Variants in DCK observed in about 807,000 individuals in gnomAD.
DCK encodes the protein deoxycytidine kinase.
A neutral mutation model predicts 38.3 loss-of-function variants in DCK; 23 were observed. That is an observed-to-expected ratio of 0.60 (90% confidence interval 0.43 to 0.85). The LOEUF (loss-of-function observed/expected upper bound fraction) is 0.85, where lower values mean the gene tolerates loss of function less well. Ranked by LOEUF, DCK falls within the 40% of genes least tolerant of loss-of-function variation. The pLI is 0.00. For missense variants in DCK, 259 were observed against 304.4 expected (o/e 0.85, Z 1.11); for synonymous variants, 108 against 100.6 (o/e 1.07, Z -0.44).
intron 2 of DCK, among the ~76,000 whole-genome samples, chr4:71,003,693 T>G (rs764063369): frequency 6.6e-6 from 1 of 152,214 alleles, no homozygotes; most frequent in Non-Finnish European, 1.5e-5. Context: ...CACGCTTTAT[T>G]TTTATTAAGT....
At chr4:71,003,244 G>A (rs1739855725) in intron 2 of DCK, among the ~76,000 whole-genome samples, 1 of 152,108 alleles carries the variant, frequency 6.6e-6, no homozygotes, top group South Asian at 2.1e-4. Context: ...ATGAAATTCT[G>A]GGTTGAAAAT....
chr4:71,028,088 AT>A (rs1298630553), intron 6 of DCK, among the ~76,000 whole-genome samples: 3 of 152,200 alleles, frequency 2.0e-5, no homozygotes, highest in Admixed American at 6.5e-5. Flanking sequence ...GACTCCTTAC[AT>A]GATTTTCTGC....
At chr4:71,004,526 A>G (rs1739891137) in intron 2 of DCK, among the ~76,000 whole-genome samples, 1 of 152,214 alleles carries the variant, frequency 6.6e-6, no homozygotes, top group African/African-American at 2.4e-5. Flanking sequence ...GCCAGCAGGC[A>G]GGATTGTTTA....
chr4:71,003,423 C>T lies in DCK; in HGVS notation c.207+5241C>T, dbSNP rs984332081. ...CTCATTTTAACCTTGGTGAATCTGACGATTATGTGTCTTGGCGTTGCTCTT... is the reference window on the plus strand; with the variant it reads ...CTCATTTTAACCTTGGTGAATCTGATGATTATGTGTCTTGGCGTTGCTCTT... On this transcript the variant is annotated intron_variant, in intron 2 of 6. Transcript: ENST00000286648. Among the ~76,000 whole-genome samples, 6 of 152,080 alleles carry T rather than the reference C, an allele frequency of 3.9e-5. No homozygotes were observed. The South Asian group carries it at 6.2e-4, about 16-fold the overall frequency.
chr4:71,023,772 T>C, intron 4 of DCK, 66 bp downstream of exon 4: 1 of 1,477,406 alleles, frequency 6.8e-7, no homozygotes, highest in Non-Finnish European at 9.1e-7. Flanking sequence ...TTTTCAGTGG[T>C]ATATAATGAG....
chr4:71,020,080 G>A (rs979310392), intron 2 of DCK, among the ~76,000 whole-genome samples: 4 of 152,178 alleles, frequency 2.6e-5, no homozygotes, highest in Admixed American at 1.3e-4. Context: ...GAACCACTGG[G>A]CCTGCCCTTG....
intron 2 of DCK, among the ~76,000 whole-genome samples, chr4:70,999,055 A>T (rs917267311): frequency 6.6e-6 from 1 of 152,162 alleles, no homozygotes; most frequent in Non-Finnish European, 1.5e-5. Flanking sequence ...GTTCTGGGAT[A>T]CATGTGCAGA....
At chr4:71,027,965 A>AT (rs1443110405) in intron 6 of DCK, among the ~76,000 whole-genome samples, 1 of 152,194 alleles carries the variant, frequency 6.6e-6, no homozygotes, top group Admixed American at 6.5e-5. Context: ...TGACTTTCTT[A>AT]TTAAGGTATT....
intron 2 of DCK, among the ~76,000 whole-genome samples, chr4:70,998,879 C>A (rs185356985): frequency 4.4e-4 from 66 of 150,894 alleles, no homozygotes; most frequent in African/African-American, 1.6e-3. Context: ...GCTGAGATGG[C>A]GCCACTGTGC....
intron 3 of DCK, 152 bp downstream of exon 3, chr4:71,022,712 C>G (rs372877214): frequency 4.4e-6 from 2 of 450,602 alleles, no homozygotes; most frequent in African/African-American, 4.1e-5. Flanking sequence ...CCTCAGCAGT[C>G]TGGTACTAAT....
chr4:71,015,607 TG>T (rs1351810287), intron 2 of DCK, among the ~76,000 whole-genome samples: 1 of 152,226 alleles, frequency 6.6e-6, no homozygotes, highest in East Asian at 1.9e-4. Flanking sequence ...GCTTCATCCC[TG>T]GGATGCAAGG....
At chr4:71,025,351 A>T (rs899591219) in intron 4 of DCK, among the ~76,000 whole-genome samples, 2 of 152,118 alleles carry the variant, frequency 1.3e-5, no homozygotes, top group Non-Finnish European at 2.9e-5. Context: ...GGCATAAAAC[A>T]TTCCAAAGTT....
intron 2 of DCK, among the ~76,000 whole-genome samples, chr4:71,003,197 A>T (rs1739854700): frequency 6.6e-6 from 1 of 152,036 alleles, no homozygotes; most frequent in African/African-American, 2.4e-5. Context: ...AAAGGATTTT[A>T]TTTCTCCTTC....
chr4:71,015,666 G>A (rs1740242909), intron 2 of DCK, among the ~76,000 whole-genome samples: 1 of 152,108 alleles, frequency 6.6e-6, no homozygotes, highest in Admixed American at 6.5e-5. Context: ...CATATAAACA[G>A]AACCAAAGAC....
chr4:71,000,713 G>T (rs948269049), intron 2 of DCK, among the ~76,000 whole-genome samples: 2 of 152,160 alleles, frequency 1.3e-5, no homozygotes, highest in Non-Finnish European at 2.9e-5. Flanking sequence ...GTGGTTTGTA[G>T]TTCTCCTTGA....
At chr4:71,004,398 C>A (rs899951737) in intron 2 of DCK, among the ~76,000 whole-genome samples, 1 of 152,212 alleles carries the variant, frequency 6.6e-6, no homozygotes, top group Non-Finnish European at 1.5e-5. Flanking sequence ...TCTGCCGACC[C>A]CTGCTGGGAG....
In DCK at chr4:71,007,300, A is replaced by G. The variant is rs141895810; in HGVS notation, c.207+9118A>G. On this transcript the variant is annotated intron_variant, in intron 2 of 6. Coordinates refer to ENST00000286648, the MANE Select transcript of DCK (RefSeq NM_000788.3). ...GATTCTTTTTAAAAACATTTTTGAC[A>G]TGATATATCTGTAGAAAAGTAGGTA... Among the ~76,000 whole-genome samples the G allele has an allele frequency of 9.5e-4, 145 of 152,348 alleles. 5 individuals carry two copies. The East Asian group carries it at 0.019, about 20-fold the overall frequency.
In DCK at chr4:70,993,740, C is replaced by A; in HGVS notation, c.-96C>A. ...ACTAGCTGACCCGGCAGGTCAGGAT[C>A]TGGCTTAGCGGCGCCGCGAGCTCCA... On this transcript the variant is annotated 5_prime_UTR_variant, in exon 1 of 7. The change creates a new upstream start codon in the 5' untranslated region. Coordinates refer to ENST00000286648, the MANE Select transcript of DCK (RefSeq NM_000788.3). The A allele has an allele frequency of 2.4e-6, 2 of 818,656 alleles. No homozygotes were observed. Among genetic ancestry groups the A allele is most frequent in the Non-Finnish European group, 3.9e-6 (2 of 508,818 alleles). 50.7% of individuals were successfully genotyped at this position (818,656 alleles called of 1,614,324 possible).
chr4:71,018,771 A>G (rs1740338088), intron 2 of DCK, among the ~76,000 whole-genome samples: 1 of 151,110 alleles, frequency 6.6e-6, no homozygotes, highest in Non-Finnish European at 1.5e-5. Context: ...TCCCAGGCAT[A>G]AGCAATTCTC....
Sources: allele counts gnomAD v4.1 joint callset (sites outside exome capture counted in the v4.1 genomes callset), GRCh38; gene constraint gnomAD v4.1.1; transcripts MANE v1.5; gene names NCBI Gene and HGNC (gene_info 2026-07-23, HGNC 2026-07-21).